NKIRAS1: variants seen among roughly 807,000 people sequenced by gnomAD.
The protein encoded by NKIRAS1 is NF-kappa-B inhibitor-interacting Ras-like protein 1.
NKIRAS1 carries 16 observed loss-of-function variants against 19.8 expected under a neutral mutation model. The observed-to-expected ratio is 0.81, with a 90% CI of 0.55 to 1.23. The LOEUF (loss-of-function observed/expected upper bound fraction) is 1.23, where lower values mean the gene tolerates loss of function less well. Among genes scored for constraint, NKIRAS1 ranks in the 50% most tolerant of loss-of-function variants. The pLI is 0.00. For synonymous variants in NKIRAS1, 88 were observed against 79.0 expected, an observed-to-expected ratio of 1.11 and a Z score of -0.61; for missense variants, 184 against 220.0, an observed-to-expected ratio of 0.84 and a Z score of 1.04.
At chr3:23,908,626 T>C (rs931984946) in intron 3 of NKIRAS1, among the ~76,000 whole-genome samples, 5 of 152,146 alleles carry the variant, frequency 3.3e-5, no homozygotes, top group African/African-American at 7.2e-5. Context: ...ATATAATGAG[T>C]TTATTAGTGT....
rs1364938808 is a variant in NKIRAS1 at position 23,892,432 on chromosome 3, C to G, written c.*663G>C. 2 of 152,178 alleles carry G rather than the reference C, an allele frequency of 1.3e-5. No homozygotes were observed. The highest frequency in any genetic ancestry group is 1.3e-4 in the Admixed American group (2 of 15,284). The allele number at this position is 152,178 out of a possible 1,614,324, so 9.4% of individuals were successfully genotyped here. On this transcript the variant is annotated 3_prime_UTR_variant, in exon 5 of 5. Coordinates refer to ENST00000425478, the MANE Select transcript of NKIRAS1 (RefSeq NM_020345.4). ...GAGCAAACAGTTTGCCCTCAAGTAT[C>G]TGGTCTATCAACAGGGGTCTGGCTA... is the stretch of plus-strand genomic sequence containing the variant.
chr3:23,901,179 C>CTTTTTTTTT, intron 3 of NKIRAS1, 130 bp from the exon 4 acceptor site: 1 of 728,946 alleles, frequency 1.4e-6, no homozygotes, highest in African/African-American at 1.9e-5. Context: ...TTCTATTTTA[C>CTTTTTTTTT]TTTTTTTTTT....
upstream of NKIRAS1, chr3:23,919,532 A>G (rs777130036): frequency 4.0e-6 from 6 of 1,512,702 alleles, no homozygotes; most frequent in Non-Finnish European, 8.8e-7. Context: ...TTCATACTTA[A>G]TAAACAATTT....
At chr3:23,896,196 T>C (rs538963643) in intron 4 of NKIRAS1, among the ~76,000 whole-genome samples, 3 of 148,248 alleles carry the variant, frequency 2.0e-5, no homozygotes, top group African/African-American at 7.4e-5. Context: ...CAACCTACCA[T>C]CTTCCAAGCC....
intron 1 of NKIRAS1, among the ~76,000 whole-genome samples, chr3:23,935,212 A>C (rs1705373137): frequency 4.5e-5 from 1 of 22,250 alleles, no homozygotes; most frequent in Admixed American, 5.0e-4. Flanking sequence ...TATTATTGTT[A>C]AAAAAAAACC....
chr3:23,940,802 T>C (rs1026155044), intron 1 of NKIRAS1, among the ~76,000 whole-genome samples: 3 of 152,156 alleles, frequency 2.0e-5, no homozygotes, highest in African/African-American at 7.2e-5. Context: ...ATACCATGAA[T>C]GGAACGGTAA....
intron 3 of NKIRAS1, among the ~76,000 whole-genome samples, chr3:23,905,618 C>T (rs1702946112): frequency 6.6e-6 from 1 of 151,984 alleles, no homozygotes; most frequent in Non-Finnish European, 1.5e-5. Context: ...GAAACAGAAC[C>T]TAACACAGAT....
At chr3:23,931,994 T>G (rs7631236) in intron 1 of NKIRAS1, among the ~76,000 whole-genome samples, 98,027 of 152,098 alleles carry the variant, frequency 0.64, 31,747 homozygotes, top group Middle Eastern at 0.75. Context: ...GGGAGAGATG[T>G]GGGAGAACTT....
intron 1 of NKIRAS1, among the ~76,000 whole-genome samples, chr3:23,925,931 T>C (rs897602710): frequency 1.3e-5 from 2 of 152,262 alleles, no homozygotes; most frequent in African/African-American, 2.4e-5. Flanking sequence ...TCCAGTCATA[T>C]TAGTTACATT....
chr3:23,920,120 T>C, upstream of NKIRAS1: 2 of 985,760 alleles, frequency 2.0e-6, no homozygotes, highest in Non-Finnish European at 2.4e-6. Flanking sequence ...TTAAGATTGG[T>C]AAGCTAGCAA....
upstream of NKIRAS1, chr3:23,918,755 C>A: frequency 1.4e-6 from 1 of 729,616 alleles, no homozygotes; most frequent in Non-Finnish European, 2.2e-6. Flanking sequence ...GTTACAAATG[C>A]GTGTGTATAT....
chr3:23,945,638 G>C, intron 1 of NKIRAS1: 1 of 1,117,624 alleles, frequency 8.9e-7, no homozygotes, highest in Non-Finnish European at 1.1e-6. Flanking sequence ...CGGAGGGAGC[G>C]CTCAGAGCCC....
At chr3:23,918,644 A>C (rs537088236), upstream of NKIRAS1, 1 of 1,550,054 alleles carries the variant, frequency 6.5e-7, no homozygotes, top group South Asian at 1.2e-5. Context: ...AGATTAAGCA[A>C]CTTTTCTGAT....
upstream of NKIRAS1, chr3:23,917,747 C>T: frequency 1.7e-6 from 2 of 1,194,026 alleles, no homozygotes; most frequent in South Asian, 1.5e-5. Context: ...CATTTTCATT[C>T]CCGGCGGTTT....
chr3:23,942,071 C>T (rs1043933607), intron 1 of NKIRAS1, among the ~76,000 whole-genome samples: 5 of 151,916 alleles, frequency 3.3e-5, no homozygotes, highest in African/African-American at 1.2e-4. Flanking sequence ...CTCTGCCTCC[C>T]GGGTTCAAGG....
At chr3:23,925,237 G>A (rs1442334024) in intron 1 of NKIRAS1, among the ~76,000 whole-genome samples, 10 of 152,214 alleles carry the variant, frequency 6.6e-5, no homozygotes, top group Non-Finnish European at 1.5e-4. Flanking sequence ...AAAACAGCTA[G>A]TATACCAAGG....
intron 1 of NKIRAS1, among the ~76,000 whole-genome samples, chr3:23,931,711 G>GGAGA (rs72076467): frequency 2.1e-4 from 10 of 48,426 alleles, no homozygotes; most frequent in East Asian, 5.3e-4. Context: ...TGGAAAGGAA[G>GGAGA]GAGAGAGAGA....
At chr3:23,946,223 T>G (rs995474612) in intron 1 of NKIRAS1, 1 of 985,422 alleles carries the variant, frequency 1.0e-6, no homozygotes, top group Non-Finnish European at 1.2e-6. Flanking sequence ...GACACCGCAG[T>G]GCACCGGACG....
At position 23,926,244 on chromosome 3, in the gene NKIRAS1, G is replaced by A. The variant is rs1705209478; in HGVS notation, c.-139-14794C>T. Among the ~76,000 whole-genome samples, 3 of 152,114 alleles carry A rather than the reference G, an allele frequency of 2.0e-5. No homozygotes were observed. Among genetic ancestry groups the A allele is most frequent in the Admixed American group, 2.0e-4 (3 of 15,278 alleles). The stretch of plus-strand genomic sequence containing the variant: ...TTTTTGTGTTTTTAGTAGAGACAGG[G>A]TTTCGCCGTGTTGGCCAGGCTGGTC... On this transcript the variant is annotated intron_variant, in intron 1 of 4. Coordinates refer to the NKIRAS1 transcript ENST00000421515. This position sits in a 1 kb window ranked among gnomAD's most constrained non-coding sequence, Gnocchi z 4.3.
Sources: gnomAD v4.1 joint callset for allele counts (sites outside exome capture counted in the v4.1 genomes callset) on GRCh38, gnomAD v4.1.1 for gene constraint, Gnocchi (gnomAD v3.1) non-coding constraint, MANE v1.5 for transcripts, NCBI Gene and HGNC (gene_info 2026-07-23, HGNC 2026-07-21) for gene names.